The following ANO4 variants were observed in gnomAD, a reference collection of about 807,000 sequenced individuals.
ANO4 encodes the protein anoctamin-4.
Under a neutral mutation model 141.9 loss-of-function variants are expected in ANO4, and 69 were observed. That is an observed-to-expected ratio of 0.49 (90% CI 0.40 to 0.59). ANO4 has a LOEUF of 0.59. ANO4 is among the 20% of genes least tolerant of loss of function. The pLI is 0.00. For synonymous variants in ANO4, 350 were observed against 394.3 expected, an observed-to-expected ratio of 0.89 and a Z score of 1.33; for missense variants, 894 against 1,162.2, an observed-to-expected ratio of 0.77 and a Z score of 3.36.
At chr12:100,807,927 G>A (rs114075220) in intron 1 of ANO4, among the ~76,000 whole-genome samples, 3,119 of 152,166 alleles carry the variant, frequency 0.02, 106 homozygotes, top group African/African-American at 0.07. Context: ...AATATTCCAC[G>A]GTATATATGT....
At chr12:100,880,370 T>C (rs2039507878) in intron 1 of ANO4, among the ~76,000 whole-genome samples, 1 of 152,162 alleles carries the variant, frequency 6.6e-6, no homozygotes, top group Non-Finnish European at 1.5e-5. Context: ...ATCTTCTTAA[T>C]AACTTATAAG....
intron 8 of ANO4, among the ~76,000 whole-genome samples, chr12:100,989,563 A>G (rs2044947581): frequency 6.7e-6 from 1 of 148,802 alleles, no homozygotes; most frequent in Non-Finnish European, 1.5e-5. Flanking sequence ...GGATGGATGG[A>G]TGGATGGATG....
At chr12:101,062,091 T>G (rs1333478896) in intron 14 of ANO4, among the ~76,000 whole-genome samples, 1 of 152,234 alleles carries the variant, frequency 6.6e-6, no homozygotes, top group African/African-American at 2.4e-5. Flanking sequence ...TTGTTGATGT[T>G]GATGCTGTTC....
chr12:100,877,113 C>CT (rs2039349541), intron 1 of ANO4, among the ~76,000 whole-genome samples: 1 of 151,934 alleles, frequency 6.6e-6, no homozygotes, highest in Middle Eastern at 3.2e-3. Context: ...TTGCCAGGGG[C>CT]TGAGGGTAGG....
At chr12:100,958,740 T>G (rs967395487) in intron 5 of ANO4, among the ~76,000 whole-genome samples, 2 of 152,042 alleles carry the variant, frequency 1.3e-5, no homozygotes, top group African/African-American at 4.8e-5. Flanking sequence ...CCGAGCTACT[T>G]GGGAGGCTGA....
At chr12:101,046,285 C>T (rs1431689583) in intron 13 of ANO4, among the ~76,000 whole-genome samples, 1 of 152,200 alleles carries the variant, frequency 6.6e-6, no homozygotes, top group Non-Finnish European at 1.5e-5. Flanking sequence ...CTGCTTTTCA[C>T]CCATGTCTAA....
intron 6 of ANO4, among the ~76,000 whole-genome samples, chr12:100,971,727 C>T (rs998862684): frequency 1.3e-5 from 2 of 152,118 alleles, no homozygotes; most frequent in African/African-American, 4.8e-5. Flanking sequence ...AACAGCCAGA[C>T]CACAGGCAGC....
At chr12:101,119,079 G>A (rs1336136721) in intron 25 of ANO4, among the ~76,000 whole-genome samples, 2 of 151,946 alleles carry the variant, frequency 1.3e-5, no homozygotes, top group Non-Finnish European at 2.9e-5. Flanking sequence ...AGTATTCCAT[G>A]GTGTATCTGT....
chr12:100,841,779 G>A (rs2037261408), intron 1 of ANO4, among the ~76,000 whole-genome samples: 1 of 152,048 alleles, frequency 6.6e-6, no homozygotes, highest in Non-Finnish European at 1.5e-5. Context: ...AATTGATCAG[G>A]GCCTGAAGGA....
intron 8 of ANO4, among the ~76,000 whole-genome samples, chr12:101,019,418 C>A (rs2046435047): frequency 6.6e-6 from 1 of 152,014 alleles, no homozygotes; most frequent in Non-Finnish European, 1.5e-5. Flanking sequence ...GCACATGCAC[C>A]CTTGACAAAG....
At chr12:101,076,722 G>A (rs1296755897) in intron 14 of ANO4, among the ~76,000 whole-genome samples, 1 of 152,184 alleles carries the variant, frequency 6.6e-6, no homozygotes, top group African/African-American at 2.4e-5. Flanking sequence ...TATGCTCATG[G>A]AGGTACCTTT....
chr12:100,868,590 C>CA (rs2038877310), intron 1 of ANO4, among the ~76,000 whole-genome samples: 1 of 152,132 alleles, frequency 6.6e-6, no homozygotes, highest in African/African-American at 2.4e-5. Context: ...ATAACAAAGA[C>CA]ACTGATTCCA....
At chr12:100,884,021 G>T (rs749019796) in intron 1 of ANO4, among the ~76,000 whole-genome samples, 2 of 152,160 alleles carry the variant, frequency 1.3e-5, no homozygotes, top group Non-Finnish European at 2.9e-5. Flanking sequence ...AATTAGTCAA[G>T]ATCAGCTTTA....
intron 1 of ANO4, among the ~76,000 whole-genome samples, chr12:100,894,952 C>T (rs1330459074): frequency 1.5e-5 from 2 of 129,568 alleles, no homozygotes; most frequent in East Asian, 2.3e-4. Context: ...GGCGACAGAG[C>T]GAGACTCCAT....
At chr12:100,736,412 C>G (rs2031617814) in intron 2 of ANO4, among the ~76,000 whole-genome samples, 1 of 152,034 alleles carries the variant, frequency 6.6e-6, no homozygotes, top group Admixed American at 6.6e-5. Flanking sequence ...GATGGAGTCC[C>G]TGAGAGGGTA....
chr12:100,976,873 A>G (rs1242970762), intron 7 of ANO4, among the ~76,000 whole-genome samples: 1 of 152,210 alleles, frequency 6.6e-6, no homozygotes, highest in African/African-American at 2.4e-5. Flanking sequence ...CTGTTTCAGT[A>G]TTCTAGATTC....
intron 1 of ANO4, among the ~76,000 whole-genome samples, chr12:100,841,617 C>T (rs989148740): frequency 2.0e-5 from 3 of 152,080 alleles, no homozygotes; most frequent in African/African-American, 7.2e-5. Flanking sequence ...AGTGAGGGAG[C>T]ATAGGAAGAT....
At chr12:100,793,675 A>C (rs1280402038), upstream of ANO4, among the ~76,000 whole-genome samples, 1 of 152,214 alleles carries the variant, frequency 6.6e-6, no homozygotes, top group Admixed American at 6.5e-5. Context: ...AAGGTGGCCC[A>C]AGACAATCTC....
chr12:101,051,140 G>A (rs2047851632), intron 14 of ANO4, among the ~76,000 whole-genome samples: 1 of 152,174 alleles, frequency 6.6e-6, no homozygotes, highest in African/African-American at 2.4e-5. Context: ...ATTATAAAAT[G>A]GATTGCATAC....
Sources: gnomAD v4.1 joint callset for allele counts (sites outside exome capture counted in the v4.1 genomes callset) on GRCh38, gnomAD v4.1.1 for gene constraint, MANE v1.5 for transcripts, NCBI Gene and HGNC (gene_info 2026-07-23, HGNC 2026-07-21) for gene names.